COL11A1: variants seen among roughly 807,000 people sequenced by gnomAD.
The protein encoded by COL11A1 is collagen type XI alpha 1 chain.
Under a neutral mutation model 265.2 loss-of-function variants are expected in COL11A1, and 74 were observed. That is an observed-to-expected ratio of 0.28 (90% CI 0.23 to 0.34). The LOEUF (loss-of-function observed/expected upper bound fraction) is 0.34, where lower values mean the gene tolerates loss of function less well. COL11A1 is among the 10% of genes least tolerant of loss of function. The pLI, the probability that COL11A1 is intolerant of heterozygous loss-of-function variation, is 1.00. For synonymous variants in COL11A1, 816 were observed against 727.6 expected (o/e 1.12, Z -1.96); for missense variants, 2,165 against 2,263.6 (o/e 0.96, Z 0.88).
At chr1:103,037,144 A>G (rs928506006) in intron 4 of COL11A1, among the ~76,000 whole-genome samples, 1 of 148,868 alleles carries the variant, frequency 6.7e-6, no homozygotes, top group African/African-American at 2.5e-5. Context: ...ATATAATTTT[A>G]TATATATATA....
At chr1:103,106,031 T>C (rs1674663138) in intron 1 of COL11A1, among the ~76,000 whole-genome samples, 1 of 152,212 alleles carries the variant, frequency 6.6e-6, no homozygotes, top group South Asian at 2.1e-4. Flanking sequence ...ATTTCTATCA[T>C]TACTTGGCTT....
Position 102,987,704 on chromosome 1 carries a change from C to T in COL11A1, c.2431G>A (p.Gly811Ser), listed in dbSNP as rs1460936812. Residue 811 changes from glycine to serine, a missense_variant, in exon 30 of 67, where the codon GGC becomes AGC. Physicochemically the swap from Gly to Ser is moderately conservative, Grantham distance 56. Transcript: ENST00000370096. ...VGQIGPRGED[G>S]PEGPKGRAGP... ...GCTCGACCTTTGGGTCCTTCAGGGC[C>T]ATCTTCCCCTCTTGGGCCAATTTGA... 3 of 1,613,422 alleles carry T rather than the reference C, an allele frequency of 1.9e-6. No homozygotes were observed. Among genetic ancestry groups the T allele is most frequent in the African/African-American group, 1.3e-5 (1 of 74,840 alleles).
intron 41 of COL11A1, among the ~76,000 whole-genome samples, chr1:102,949,598 C>T (rs1659678918): frequency 1.3e-5 from 2 of 152,142 alleles, no homozygotes; most frequent in African/African-American, 4.8e-5. Context: ...TACTAATTAA[C>T]AATTATTGTG....
chr1:103,005,288 G>A (rs971572895), intron 18 of COL11A1, among the ~76,000 whole-genome samples: 23 of 152,060 alleles, frequency 1.5e-4, no homozygotes, highest in African/African-American at 5.3e-4. Flanking sequence ...TTTTCTGAGA[G>A]ATTGTCTGCA....
chr1:102,909,252 C>T (rs961484339), intron 54 of COL11A1, among the ~76,000 whole-genome samples: 1 of 152,084 alleles, frequency 6.6e-6, no homozygotes, highest in African/African-American at 2.4e-5. Flanking sequence ...CCCCTTCTTG[C>T]TTCCTCTGTC....
intron 28 of COL11A1, 64 bp from the exon 29 acceptor site, chr1:102,989,635 T>C: frequency 8.6e-7 from 1 of 1,161,510 alleles, no homozygotes; most frequent in Non-Finnish European, 1.3e-6. Flanking sequence ...CCTAAAATAT[T>C]GCTATAAAAA....
intron 1 of COL11A1, among the ~76,000 whole-genome samples, chr1:103,083,349 T>C (rs1346968755): frequency 6.6e-6 from 1 of 152,002 alleles, no homozygotes; most frequent in Non-Finnish European, 1.5e-5. Context: ...TGTATCTCAA[T>C]TATAATTTAT....
At chr1:102,983,721 A>G (rs983027675) in intron 31 of COL11A1, among the ~76,000 whole-genome samples, 3 of 151,830 alleles carry the variant, frequency 2.0e-5, no homozygotes, top group South Asian at 2.1e-4. Flanking sequence ...GCAACCCTGG[A>G]AAAAAAATAC....
At chr1:102,910,283 G>A (rs1251872687) in intron 54 of COL11A1, among the ~76,000 whole-genome samples, 1 of 151,842 alleles carries the variant, frequency 6.6e-6, no homozygotes, top group African/African-American at 2.4e-5. Flanking sequence ...AATGGCTAAA[G>A]AAACAAATAC....
chr1:102,997,948 C>T (rs1664779954), intron 25 of COL11A1, among the ~76,000 whole-genome samples: 2 of 151,546 alleles, frequency 1.3e-5, no homozygotes, highest in Admixed American at 1.3e-4. Context: ...GAAGGGCTTT[C>T]TAGGAGAGGA....
At chr1:102,990,224 A>C (rs1024159564) in intron 28 of COL11A1, among the ~76,000 whole-genome samples, 5 of 152,068 alleles carry the variant, frequency 3.3e-5, no homozygotes, top group African/African-American at 4.8e-5. Flanking sequence ...AAAAGGAAAC[A>C]CTTAATTATC....
chr1:102,959,669 A>G (rs1442622028), intron 41 of COL11A1, among the ~76,000 whole-genome samples: 1 of 152,190 alleles, frequency 6.6e-6, no homozygotes, highest in Non-Finnish European at 1.5e-5. Context: ...CAAAGTAAGT[A>G]ATAATTCTCA....
intron 1 of COL11A1, among the ~76,000 whole-genome samples, chr1:103,094,513 C>T (rs944729891): frequency 1.3e-5 from 2 of 152,012 alleles, no homozygotes; most frequent in African/African-American, 4.8e-5. Flanking sequence ...CCTAAAGTTG[C>T]ACAGGTGTGT....
chr1:102,918,824 A>C (rs1267732317), intron 49 of COL11A1, among the ~76,000 whole-genome samples: 1 of 152,066 alleles, frequency 6.6e-6, no homozygotes, highest in African/African-American at 2.4e-5. Flanking sequence ...ACAATGTGGA[A>C]GGAAGTTTCT....
chr1:103,003,234 G>A lies in COL11A1; in HGVS notation c.1979C>T (p.Pro660Leu), dbSNP rs765789130. ...ACATACAGGCTGCCCTGGAGCTCCT[G>A]GAGTTCCCCTTGGACCCAGCAAACC... ...PRGLLGPRGT[P>L]GAPGQPGMAG... Residue 660 changes from proline to leucine, a missense_variant, in exon 21 of 67, where the codon CCA (proline) becomes CTA (leucine). Pro to Leu is a moderately conservative substitution (Grantham distance 98, BLOSUM62 -3). Transcript: ENST00000370096. The A allele has an allele frequency of 6.2e-7, 1 of 1,613,542 alleles. No individual in the cohort carries two copies. Among genetic ancestry groups the A allele is most frequent in the South Asian group, 1.1e-5 (1 of 91,024 alleles).
At chr1:102,880,833 G>C (rs1650143789) in intron 65 of COL11A1, among the ~76,000 whole-genome samples, 1 of 151,728 alleles carries the variant, frequency 6.6e-6, no homozygotes, top group Non-Finnish European at 1.5e-5. Flanking sequence ...GGGGGTTGAA[G>C]AAAAAAATCT....
intron 42 of COL11A1, among the ~76,000 whole-genome samples, chr1:102,945,590 A>G (rs1184219354): frequency 1.3e-5 from 2 of 152,218 alleles, no homozygotes; most frequent in African/African-American, 4.8e-5. Flanking sequence ...GCTTAATTTT[A>G]TATATCAATA....
At chr1:103,041,110 G>A (rs936349518) in intron 4 of COL11A1, among the ~76,000 whole-genome samples, 1 of 151,818 alleles carries the variant, frequency 6.6e-6, no homozygotes, top group African/African-American at 2.4e-5. Context: ...GTCAAATATG[G>A]CCTTTGCATT....
At chr1:103,030,110 G>A (rs541154788) in intron 5 of COL11A1, among the ~76,000 whole-genome samples, 1 of 151,990 alleles carries the variant, frequency 6.6e-6, no homozygotes, top group South Asian at 2.1e-4. Flanking sequence ...AACATATTTG[G>A]TGAATCATGA....
Sources: allele counts gnomAD v4.1 joint callset (sites outside exome capture counted in the v4.1 genomes callset), GRCh38; gene constraint gnomAD v4.1.1; transcripts MANE v1.5; gene names NCBI Gene and HGNC (gene_info 2026-07-23, HGNC 2026-07-21).